Variants in SYT16 observed in about 807,000 individuals in gnomAD.
The protein encoded by SYT16 is synaptotagmin 16.
In SYT16, 42 loss-of-function variants were observed where a neutral mutation model predicts 61.4. That is an observed-to-expected ratio of 0.68 (90% CI 0.53 to 0.89). The LOEUF (loss-of-function observed/expected upper bound fraction) is 0.89. SYT16 is among the 40% of genes least tolerant of loss of function. The pLI is 0.00. For synonymous variants in SYT16, 314 were observed against 302.3 expected, an observed-to-expected ratio of 1.04 and a Z score of -0.40; for missense variants, 804 against 807.3, an observed-to-expected ratio of 1.00 and a Z score of 0.05.
At chr14:62,048,926 G>A (rs1180408506) in intron 3 of SYT16, among the ~76,000 whole-genome samples, 1 of 152,190 alleles carries the variant, frequency 6.6e-6, no homozygotes, top group Non-Finnish European at 1.5e-5. Flanking sequence ...TAGGTGTGGT[G>A]TGGTGCTGAA....
intron 1 of SYT16, among the ~76,000 whole-genome samples, chr14:61,819,730 A>C (rs755798579): frequency 6.6e-6 from 1 of 152,236 alleles, no homozygotes; most frequent in Non-Finnish European, 1.5e-5. Flanking sequence ...AAAAGATTGA[A>C]GAACTGAGTG....
rs538716384 is a variant in SYT16 at position 61,839,600 on chromosome 14, G to T, written c.-325+26790G>T. ...CATTCAGGCAGTGAGAACTGCACCA[G>T]TACAAGTGTGGGAATGCTCTGTGGC... On this transcript the variant is annotated intron_variant, in intron 1 of 7. Transcript: ENST00000683842. 2.0e-5 allele frequency among the ~76,000 whole-genome samples: 3 copies of T among 152,294 alleles called. No individual in the cohort carries two copies. The East Asian group carries it at 5.8e-4, about 29-fold the overall frequency.
chr14:62,084,257 A>C lies in SYT16; in HGVS notation c.1496A>C (p.Gln499Pro). 6.2e-7 allele frequency: 1 copy of C among 1,613,976 alleles called. No individual in the cohort carries two copies. Among genetic ancestry groups the C allele is most frequent in the Non-Finnish European group, 8.5e-7 (1 of 1,179,882 alleles). Residue 499 changes from glutamine to proline, a missense_variant, in exon 7 of 8, where the codon CAG becomes CCG. By Grantham distance (76) the Gln-to-Pro change is moderately conservative (BLOSUM62 -1). Transcript: ENST00000683842. ...CACAGTGATAGTACTTCATCCACGCAGTCGCTGTCTCATGGAGGGGCGCCA... is the reference window on the plus strand; with the variant it reads ...CACAGTGATAGTACTTCATCCACGCCGTCGCTGTCTCATGGAGGGGCGCCA... ...VSHSDSTSST[Q>P]SLSHGGAPEL...
intron 1 of SYT16, among the ~76,000 whole-genome samples, chr14:61,837,165 G>A (rs115779422): frequency 0.022 from 3,389 of 152,094 alleles, 62 homozygotes; most frequent in African/African-American, 0.052. Flanking sequence ...TGGTGAGCAG[G>A]GCCAGGCCTC....
chr14:61,981,839 A>G (rs1004019155), intron 2 of SYT16, among the ~76,000 whole-genome samples: 1 of 152,176 alleles, frequency 6.6e-6, no homozygotes, highest in African/African-American at 2.4e-5. Flanking sequence ...ATAAGGGTGC[A>G]TGGTGAGTTT....
intron 1 of SYT16, among the ~76,000 whole-genome samples, chr14:61,841,097 G>A (rs1215676459): frequency 2.0e-5 from 3 of 152,176 alleles, no homozygotes; most frequent in South Asian, 2.1e-4. Flanking sequence ...CTGAAGTGGG[G>A]TAGAAATCCC....
At chr14:61,870,396 A>T (rs2047294384) in intron 1 of SYT16, among the ~76,000 whole-genome samples, 1 of 149,092 alleles carries the variant, frequency 6.7e-6, no homozygotes. Context: ...CCTGCTTTTC[A>T]GTTTTTCTTT....
chr14:61,989,841 T>C (rs529448548), intron 2 of SYT16, among the ~76,000 whole-genome samples: 1 of 152,288 alleles, frequency 6.6e-6, no homozygotes, highest in South Asian at 2.1e-4. Context: ...ATTTTGATTA[T>C]AGGGCAGCTT....
Position 61,924,998 on chromosome 14 carries a change from G to A in SYT16, c.-324-45134G>A, listed in dbSNP as rs1407573500. Among the ~76,000 whole-genome samples, 3 of 152,154 alleles carry A rather than the reference G, an allele frequency of 2.0e-5. 1 individual carries two copies. The highest frequency in any genetic ancestry group is 4.1e-4 in the South Asian group (2 of 4,830). ...CACATCTCAAAGTTGCCTATAAAAC[G>A]TACACTTGCATCTCATTTGCCAATC... is the stretch of plus-strand genomic sequence containing the variant. On this transcript the variant is annotated intron_variant, in intron 1 of 7. Transcript: ENST00000683842.
At chr14:61,957,348 A>G (rs547744464) in intron 1 of SYT16, among the ~76,000 whole-genome samples, 10 of 152,000 alleles carry the variant, frequency 6.6e-5, no homozygotes, top group South Asian at 6.2e-4. Context: ...TTTCAGGACT[A>G]TATTGGAGCT....
chr14:62,105,154 C>T lies in SYT16; in HGVS notation c.*4447C>T, dbSNP rs549035288. Reference sequence around the variant, plus strand: ...TAATAGAGTCCAACTGTGGTAGAACCAAGTCTTTGCATTTATCCCCTTAGT... The same window carrying T: ...TAATAGAGTCCAACTGTGGTAGAACTAAGTCTTTGCATTTATCCCCTTAGT... On this transcript the variant is annotated 3_prime_UTR_variant, in exon 8 of 8. Coordinates refer to ENST00000683842, the MANE Select transcript of SYT16 (RefSeq NM_001367656.1). 1 of 152,234 alleles carries T rather than the reference C, an allele frequency of 6.6e-6. No homozygotes were observed. Among genetic ancestry groups the T allele is most frequent in the African/African-American group, 2.4e-5 (1 of 41,554 alleles). 9.4% of individuals were successfully genotyped at this position (152,234 alleles called of 1,614,324 possible). A position where few individuals can be genotyped will look rare whatever the true frequency, so the allele number is the denominator to read the frequency against.
At chr14:61,887,035 C>T (rs921042890) in intron 1 of SYT16, among the ~76,000 whole-genome samples, 4 of 152,010 alleles carry the variant, frequency 2.6e-5, no homozygotes, top group Non-Finnish European at 5.9e-5. Context: ...CCACTGCGCC[C>T]GGCCATGAAA....
intron 1 of SYT16, among the ~76,000 whole-genome samples, chr14:61,911,917 A>G (rs2048949646): frequency 6.6e-6 from 1 of 152,220 alleles, no homozygotes; most frequent in Non-Finnish European, 1.5e-5. Context: ...TGGTGCAAAA[A>G]GCGCAGTTAC....
intron 2 of SYT16, among the ~76,000 whole-genome samples, chr14:61,986,381 TGAAATG>T (rs927110951): frequency 1.3e-5 from 2 of 151,326 alleles, no homozygotes; most frequent in Admixed American, 1.3e-4. Context: ...TATTTTGTCT[TGAAATG>T]TAAAGGATTG....
intron 3 of SYT16, among the ~76,000 whole-genome samples, chr14:62,009,635 C>A (rs1311788061): frequency 1.3e-5 from 2 of 152,098 alleles, no homozygotes; most frequent in African/African-American, 2.4e-5. Context: ...CCCAAAAGAG[C>A]AGTAAAAAGA....
chr14:61,947,453 A>T (rs373674412), intron 1 of SYT16, among the ~76,000 whole-genome samples: 1 of 152,222 alleles, frequency 6.6e-6, no homozygotes, highest in East Asian at 1.9e-4. Context: ...ATAGGACAAG[A>T]GCAGCAGAGC....
chr14:62,060,723 A>T (rs566770946), intron 3 of SYT16, among the ~76,000 whole-genome samples: 91 of 151,904 alleles, frequency 6.0e-4, no homozygotes, highest in African/African-American at 1.9e-3. Flanking sequence ...TCTTTTTTTA[A>T]TATATTGCTG....
At chr14:61,987,817 CACTG>C (rs1247999512) in intron 2 of SYT16, among the ~76,000 whole-genome samples, 37 of 149,976 alleles carry the variant, frequency 2.5e-4, no homozygotes, top group African/African-American at 8.3e-4. Flanking sequence ...CTTTAACAAA[CACTG>C]AATGATTGCT....
At chr14:62,066,452 T>A (rs2056065684) in intron 3 of SYT16, among the ~76,000 whole-genome samples, 1 of 152,250 alleles carries the variant, frequency 6.6e-6, no homozygotes, top group African/African-American at 2.4e-5. Context: ...GCCTGGCACA[T>A]AATGAGCACT....
Sources: allele counts gnomAD v4.1 joint callset (sites outside exome capture counted in the v4.1 genomes callset), GRCh38; gene constraint gnomAD v4.1.1; transcripts MANE v1.5; gene names NCBI Gene and HGNC (gene_info 2026-07-23, HGNC 2026-07-21).